The following HECW2 variants were observed in gnomAD, a reference collection of about 807,000 sequenced individuals.
HECW2 encodes the protein E3 ubiquitin-protein ligase HECW2.
Under a neutral mutation model 175.2 loss-of-function variants are expected in HECW2, and 61 were observed. The ratio of observed to expected loss-of-function variants is 0.35; its 90% CI spans 0.28 to 0.43. The LOEUF (loss-of-function observed/expected upper bound fraction) is 0.43, where lower values mean the gene tolerates loss of function less well. HECW2 is among the 20% of genes least tolerant of loss of function. The pLI, the probability that HECW2 is intolerant of heterozygous loss-of-function variation, is 1.00. For synonymous variants in HECW2, 671 were observed against 731.0 expected, an observed-to-expected ratio of 0.92 and a Z score of 1.32; for missense variants, 1,524 against 2,000.5, an observed-to-expected ratio of 0.76 and a Z score of 4.54.
chr2:196,220,274 G>A, intron 25 of HECW2, 121 bp from the exon 26 acceptor site: 1 of 665,302 alleles, frequency 1.5e-6, no homozygotes, highest in Non-Finnish European at 2.7e-6. Context: ...CCTTGTGTTG[G>A]CACTTGAAAA....
intron 1 of HECW2, among the ~76,000 whole-genome samples, chr2:196,465,800 C>T (rs1056780642): frequency 6.6e-6 from 1 of 151,754 alleles, no homozygotes; most frequent in Non-Finnish European, 1.5e-5. Context: ...TGAAGCCCCA[C>T]CATTTCTTGT....
intron 1 of HECW2, among the ~76,000 whole-genome samples, chr2:196,566,261 T>G (rs543387883): frequency 1.5e-5 from 2 of 134,956 alleles, no homozygotes; most frequent in African/African-American, 5.6e-5. Context: ...CATTAATAAT[T>G]TTGCTTTTTC....
chr2:196,352,406 G>T (rs1693202525), intron 2 of HECW2, among the ~76,000 whole-genome samples: 1 of 152,176 alleles, frequency 6.6e-6, no homozygotes, highest in Admixed American at 6.5e-5. Flanking sequence ...TCTGGCCTTG[G>T]GAATATCTGT....
chr2:196,372,989 G>C (rs1693948954), intron 2 of HECW2, among the ~76,000 whole-genome samples: 1 of 152,170 alleles, frequency 6.6e-6, no homozygotes, highest in Non-Finnish European at 1.5e-5. Flanking sequence ...AATTTTGAGA[G>C]GATTGTGAAG....
intron 18 of HECW2, among the ~76,000 whole-genome samples, chr2:196,255,178 A>G (rs1432569309): frequency 1.2e-4 from 12 of 100,794 alleles, no homozygotes; most frequent in African/African-American, 4.3e-4. Flanking sequence ...TTTAGTAGAG[A>G]TGGGGTTTCA....
At chr2:196,334,334 C>A in intron 4 of HECW2, 90 bp downstream of exon 4, 1 of 940,848 alleles carries the variant, frequency 1.1e-6, no homozygotes, top group Non-Finnish European at 1.6e-6. Flanking sequence ...TTCATTGTTC[C>A]TCATAACCCT....
chr2:196,579,934 T>C (rs1690708916), intron 1 of HECW2, among the ~76,000 whole-genome samples: 1 of 152,182 alleles, frequency 6.6e-6, no homozygotes, highest in African/African-American at 2.4e-5. Flanking sequence ...AAAATAAATT[T>C]CTGTTGTGTA....
intron 2 of HECW2, among the ~76,000 whole-genome samples, chr2:196,374,611 A>C (rs1481003472): frequency 2.0e-5 from 3 of 152,178 alleles, no homozygotes; most frequent in Non-Finnish European, 4.4e-5. Flanking sequence ...ATCATCAACT[A>C]TTTTGACATT....
chr2:196,437,611 C>A (rs867473992), intron 1 of HECW2, among the ~76,000 whole-genome samples: 22 of 55,786 alleles, frequency 3.9e-4, no homozygotes, highest in Admixed American at 6.3e-4. Context: ...GACTCTGTCT[C>A]AAAAAAAAAA....
chr2:196,363,561 T>C (rs1693660681), intron 2 of HECW2, among the ~76,000 whole-genome samples: 1 of 152,222 alleles, frequency 6.6e-6, no homozygotes. Context: ...CCAGGAACCA[T>C]GGCTCACGCC....
At chr2:196,227,835 G>C (rs2105838979) in intron 22 of HECW2, among the ~76,000 whole-genome samples, 1 of 152,210 alleles carries the variant, frequency 6.6e-6, no homozygotes, top group Non-Finnish European at 1.5e-5. Context: ...TCTTGCAATG[G>C]GAAATACCTT....
intron 14 of HECW2, among the ~76,000 whole-genome samples, chr2:196,283,079 T>C (rs887849033): frequency 6.6e-6 from 1 of 151,632 alleles, no homozygotes; most frequent in East Asian, 2.0e-4. Context: ...GCTAACATGA[T>C]GAAACCTCGT....
At chr2:196,521,598 C>A (rs1688391183) in intron 1 of HECW2, among the ~76,000 whole-genome samples, 1 of 149,358 alleles carries the variant, frequency 6.7e-6, no homozygotes. Flanking sequence ...CATCATCTAG[C>A]ATTAGGTATA....
chr2:196,392,167 T>TAAG (rs1694531328), intron 2 of HECW2, among the ~76,000 whole-genome samples: 1 of 152,222 alleles, frequency 6.6e-6, no homozygotes, highest in East Asian at 1.9e-4. Flanking sequence ...TCAATCCCTT[T>TAAG]ATCTGTAAAA....
chr2:196,210,638 G>C (rs946774563), intron 28 of HECW2, among the ~76,000 whole-genome samples: 2 of 151,594 alleles, frequency 1.3e-5, no homozygotes, highest in Non-Finnish European at 2.9e-5. Flanking sequence ...TTTTGAGATG[G>C]AGTCTCACTC....
chr2:196,548,932 C>T (rs1689516935), intron 1 of HECW2, among the ~76,000 whole-genome samples: 1 of 152,142 alleles, frequency 6.6e-6, no homozygotes. Context: ...GATTAGGGCC[C>T]ACCCTAATGA....
chr2:196,547,612 T>G (rs1689469968), intron 1 of HECW2, among the ~76,000 whole-genome samples: 1 of 152,196 alleles, frequency 6.6e-6, no homozygotes, highest in South Asian at 2.1e-4. Flanking sequence ...TGGATATAGA[T>G]TCAGGTGCCA....
intron 1 of HECW2, among the ~76,000 whole-genome samples, chr2:196,443,950 G>T (rs890794957): frequency 6.6e-6 from 1 of 152,180 alleles, no homozygotes; most frequent in African/African-American, 2.4e-5. Context: ...TGGGAGGATC[G>T]CTTGAGCCTG....
At chr2:196,446,812 T>C (rs551640777) in intron 1 of HECW2, among the ~76,000 whole-genome samples, 5 of 152,306 alleles carry the variant, frequency 3.3e-5, no homozygotes, top group Admixed American at 1.3e-4. Context: ...AAAGGGCACA[T>C]GTAAGTCACA....
Sources: allele counts gnomAD v4.1 joint callset (sites outside exome capture counted in the v4.1 genomes callset), GRCh38; gene constraint gnomAD v4.1.1; transcripts MANE v1.5; gene names NCBI Gene and HGNC (gene_info 2026-07-23, HGNC 2026-07-21).